The following ERBB4 variants were observed in gnomAD, a reference collection of about 807,000 sequenced individuals.
ERBB4 encodes the protein receptor tyrosine-protein kinase erbB-4.
In ERBB4, 42 loss-of-function variants were observed where a neutral mutation model predicts 158.0. That is an observed-to-expected ratio of 0.27 (90% CI 0.21 to 0.34). The LOEUF is 0.34. ERBB4 is among the 10% of genes least tolerant of loss of function. The pLI, the probability that ERBB4 is intolerant of heterozygous loss-of-function variation, is 1.00. For missense variants in ERBB4, 1,333 were observed against 1,624.1 expected (o/e 0.82, Z 3.08); for synonymous variants, 583 against 558.7 (o/e 1.04, Z -0.61).
chr2:211,632,576 T>A (rs1221620012), intron 16 of ERBB4, among the ~76,000 whole-genome samples: 1 of 152,052 alleles, frequency 6.6e-6, no homozygotes, highest in Non-Finnish European at 1.5e-5. Flanking sequence ...AACGTCAATG[T>A]CACTGTATAT....
intron 3 of ERBB4, among the ~76,000 whole-genome samples, chr2:211,938,374 C>T (rs1167648640): frequency 2.0e-5 from 3 of 152,072 alleles, no homozygotes; most frequent in Non-Finnish European, 2.9e-5. Flanking sequence ...TGATTCTCCA[C>T]GTTATTGTGC....
chr2:212,052,859 G>C (rs2077439880), intron 2 of ERBB4, among the ~76,000 whole-genome samples: 2 of 152,164 alleles, frequency 1.3e-5, no homozygotes, highest in African/African-American at 4.8e-5. Flanking sequence ...TAGTTGCTCA[G>C]AGAGGTGAAT....
chr2:212,291,972 G>A (rs1032226361), intron 1 of ERBB4, among the ~76,000 whole-genome samples: 1 of 151,936 alleles, frequency 6.6e-6, no homozygotes, highest in Non-Finnish European at 1.5e-5. Flanking sequence ...CTATGAATTA[G>A]ATCATATCTG....
chr2:211,592,969 C>A (rs997158840), intron 19 of ERBB4, among the ~76,000 whole-genome samples: 1 of 150,822 alleles, frequency 6.6e-6, no homozygotes, highest in Non-Finnish European at 1.5e-5. Flanking sequence ...AAGATTATTG[C>A]ACCACTGCAC....
At chr2:212,226,900 T>C (rs1170203653) in intron 1 of ERBB4, among the ~76,000 whole-genome samples, 1 of 152,124 alleles carries the variant, frequency 6.6e-6, no homozygotes, top group Non-Finnish European at 1.5e-5. Context: ...TGGATTTCCA[T>C]TAATATGAGG....
At chr2:211,570,532 G>A (rs201797196) in intron 19 of ERBB4, among the ~76,000 whole-genome samples, 2 of 146,190 alleles carry the variant, frequency 1.4e-5, no homozygotes, top group African/African-American at 2.5e-5. Context: ...TCTGGGCAGG[G>A]AAAAAAAAAA....
intron 1 of ERBB4, among the ~76,000 whole-genome samples, chr2:212,310,607 ATATGTG>A (rs1412407936): frequency 3.7e-5 from 3 of 80,368 alleles, no homozygotes; most frequent in South Asian, 4.5e-4. Context: ...ATATATATGT[ATATGTG>A]TGTGTGTGTG....
intron 1 of ERBB4, among the ~76,000 whole-genome samples, chr2:212,146,901 G>T (rs1020210025): frequency 2.6e-5 from 4 of 151,188 alleles, no homozygotes; most frequent in Non-Finnish European, 4.4e-5. Context: ...TTAAAATAGG[G>T]TAAAACTGAT....
At position 212,149,488 on chromosome 2, in the gene ERBB4, G is replaced by A. The variant is rs190871087; in HGVS notation, c.83-24585C>T. On this transcript the variant is annotated intron_variant, in intron 1 of 27. Transcript: ENST00000342788. ...ATCGGATAATATTTGAAGGCAACAA[G>A]TCTACAATATTACCAAATAAAAAAG... is the stretch of plus-strand genomic sequence containing the variant. Among the ~76,000 whole-genome samples, 1,004 of 152,218 alleles carry A rather than the reference G, an allele frequency of 6.6e-3. 7 individuals carry two copies. Among genetic ancestry groups the A allele is most frequent in the Middle Eastern group, 0.024 (7 of 294 alleles).
chr2:212,327,585 G>A (rs999833662), intron 1 of ERBB4, among the ~76,000 whole-genome samples: 9 of 152,026 alleles, frequency 5.9e-5, no homozygotes, highest in Admixed American at 1.3e-4. Flanking sequence ...CCAAAGTTAC[G>A]TCATTGTTTA....
intron 9 of ERBB4, among the ~76,000 whole-genome samples, chr2:211,709,274 T>TATATATACATATATATATATAC (rs1553615210): frequency 2.2e-5 from 3 of 136,548 alleles, no homozygotes; most frequent in African/African-American, 8.6e-5. Context: ...TATATATATA[T>TATATATACATATATATATATAC]ACATACATAT....
chr2:211,515,564 T>A (rs927512161), intron 20 of ERBB4, among the ~76,000 whole-genome samples: 1 of 151,972 alleles, frequency 6.6e-6, no homozygotes, highest in Non-Finnish European at 1.5e-5. Context: ...GTTAGACACA[T>A]TGAATATGCC....
At chr2:211,717,919 A>AT (rs1340069712) in intron 7 of ERBB4, among the ~76,000 whole-genome samples, 2 of 152,032 alleles carry the variant, frequency 1.3e-5, no homozygotes, top group Admixed American at 6.6e-5. Flanking sequence ...AGATATATAT[A>AT]TTTTTTGAGA....
intron 1 of ERBB4, among the ~76,000 whole-genome samples, chr2:212,148,733 T>G (rs906125886): frequency 1.3e-5 from 2 of 150,298 alleles, no homozygotes; most frequent in Non-Finnish European, 3.0e-5. Context: ...TATTGCGGCA[T>G]TATTCACAAT....
chr2:212,313,170 A>C (rs1257879685), intron 1 of ERBB4, among the ~76,000 whole-genome samples: 1 of 150,884 alleles, frequency 6.6e-6, no homozygotes, highest in African/African-American at 2.4e-5. Flanking sequence ...TCCATTTACA[A>C]ACCAGTCTAT....
At chr2:211,995,831 T>C (rs932652857) in intron 2 of ERBB4, among the ~76,000 whole-genome samples, 2 of 152,258 alleles carry the variant, frequency 1.3e-5, no homozygotes, top group South Asian at 2.1e-4. Context: ...AAGAGATCCT[T>C]TTTATATTGT....
intron 15 of ERBB4, among the ~76,000 whole-genome samples, chr2:211,664,790 A>G (rs1164983736): frequency 6.6e-6 from 1 of 152,224 alleles, no homozygotes; most frequent in Non-Finnish European, 1.5e-5. Flanking sequence ...TACTTTCACA[A>G]AATGTACTCA....
chr2:212,373,942 T>A (rs1348878463), intron 1 of ERBB4, among the ~76,000 whole-genome samples: 1 of 81,216 alleles, frequency 1.2e-5, no homozygotes, highest in African/African-American at 7.1e-5. Flanking sequence ...TATATATCCA[T>A]ATATATATCA....
At chr2:212,011,815 G>A (rs1304800205) in intron 2 of ERBB4, among the ~76,000 whole-genome samples, 6 of 151,540 alleles carry the variant, frequency 4.0e-5, no homozygotes, top group African/African-American at 1.5e-4. Flanking sequence ...GGCATATAAT[G>A]TCTGGATGTT....
Sources: allele counts gnomAD v4.1 joint callset (sites outside exome capture counted in the v4.1 genomes callset), GRCh38; gene constraint gnomAD v4.1.1; transcripts MANE v1.5; gene names NCBI Gene and HGNC (gene_info 2026-07-23, HGNC 2026-07-21).